The following SLC38A4 variants were observed in gnomAD, a reference collection of about 807,000 sequenced individuals.
SLC38A4 encodes the protein sodium-coupled neutral amino acid transporter 4.
In SLC38A4, 20 loss-of-function variants were observed where a neutral mutation model predicts 63.1. The ratio of observed to expected loss-of-function variants is 0.32; its 90% CI spans 0.22 to 0.46. The LOEUF is 0.46. Among genes scored for constraint, SLC38A4 ranks in the 20% least tolerant of loss-of-function variants. The probability of loss-of-function intolerance (pLI) is 1.00; values close to 1 mark genes in which losing one functional copy is unlikely to be tolerated. For missense variants in SLC38A4, 526 were observed against 663.6 expected, an observed-to-expected ratio of 0.79 and a Z score of 2.28; for synonymous variants, 230 against 225.5, an observed-to-expected ratio of 1.02 and a Z score of -0.18.
chr12:46,821,338 A>G (rs1939544521), intron 1 of SLC38A4, among the ~76,000 whole-genome samples: 1 of 152,120 alleles, frequency 6.6e-6, no homozygotes, highest in Non-Finnish European at 1.5e-5. Context: ...TTTGTTGTTT[A>G]TGATGTAAGA....
intron 2 of SLC38A4, among the ~76,000 whole-genome samples, chr12:46,796,756 G>A (rs1326860916): frequency 3.7e-5 from 1 of 26,802 alleles, no homozygotes; most frequent in African/African-American, 5.0e-5. Context: ...ATCCTCCCTT[G>A]AGGTTTCTTT....
chr12:46,804,480 A>G (rs2120869811), intron 1 of SLC38A4, among the ~76,000 whole-genome samples: 1 of 152,174 alleles, frequency 6.6e-6, no homozygotes, highest in Non-Finnish European at 1.5e-5. Context: ...TCACAAACGA[A>G]TCAAGAATTG....
At chr12:46,792,869 C>T in intron 3 of SLC38A4, 84 bp downstream of exon 3, 2 of 932,990 alleles carry the variant, frequency 2.1e-6, no homozygotes, top group Admixed American at 1.8e-5. Context: ...GTAATAAATC[C>T]AGTTCTTCCC....
rs375605342 is a variant in SLC38A4 at position 46,776,932 on chromosome 12, G to A, written c.1146C>T (p.Ala382=). The A allele has an allele frequency of 9.4e-5, 151 of 1,611,964 alleles. No individual in the cohort carries two copies. The highest frequency in any genetic ancestry group is 2.7e-4 in the East Asian group (12 of 44,816). The change falls in exon 13 of 17, where the codon GCC becomes GCT. Residue 382 remains alanine, a synonymous_variant. Coordinates refer to ENST00000266579, the MANE Select transcript of SLC38A4 (RefSeq NM_018018.5). The stretch of plus-strand genomic sequence containing the variant: ...AGAAGGTTAGGTAACCAAAGAGGGC[G>A]GCAAGCAGGTACATGACAAGCATCC... ...ITGMLVMYLL[A]ALFGYLTFYG...
rs1938269715 is a variant in SLC38A4, at chr12:46,765,104, T to C, written c.*1597A>G. On this transcript the variant is annotated 3_prime_UTR_variant, in exon 17 of 17. Transcript: ENST00000266579. ...TCCTAAAGATGCTATTTGGCAGATT[T>C]TTTTCAAATAATAGTAGCTCAAAAG... 6.6e-6 allele frequency: 1 copy of C among 152,646 alleles called. No individual in the cohort carries two copies. Among genetic ancestry groups the C allele is most frequent in the Admixed American group, 6.6e-5 (1 of 15,264 alleles). The allele number at this position is 152,646 out of a possible 1,614,324, so 9.5% of individuals were successfully genotyped here. A position where few individuals can be genotyped will look rare whatever the true frequency, so the allele number is the denominator to read the frequency against.
chr12:46,766,387 G>A lies in SLC38A4; in HGVS notation c.*314C>T, dbSNP rs1323680315. ...GACGGCAGGGGAAAGAGTACTATCT[G>A]ATGATTGTTACATGCAGTTACCCTT... On this transcript the variant is annotated 3_prime_UTR_variant, in exon 17 of 17. Transcript: ENST00000266579. The A allele has an allele frequency of 2.1e-6, 1 of 487,204 alleles. No homozygotes were observed. The highest frequency in any genetic ancestry group is 4.0e-6 in the Non-Finnish European group (1 of 247,914). The allele number at this position is 487,204 out of a possible 1,614,324, so 30.2% of individuals were successfully genotyped here. A position where few individuals can be genotyped will look rare whatever the true frequency, so the allele number is the denominator to read the frequency against.
At chr12:46,815,272 TATATATATATATACAC>T (rs1277944779) in intron 1 of SLC38A4, among the ~76,000 whole-genome samples, 164 of 65,042 alleles carry the variant, frequency 2.5e-3, no homozygotes, top group Admixed American at 4.4e-3. Flanking sequence ...TATATATATA[TATATATATATATACAC>T]ACACACACAC....
At chr12:46,796,088 T>C (rs1198271012) in intron 2 of SLC38A4, among the ~76,000 whole-genome samples, 1 of 152,190 alleles carries the variant, frequency 6.6e-6, no homozygotes, top group East Asian at 1.9e-4. Context: ...TTATGTTCGA[T>C]CTGTTCATCT....
chr12:46,815,283 A>T (rs1939420264), intron 1 of SLC38A4, among the ~76,000 whole-genome samples: 1 of 114,592 alleles, frequency 8.7e-6, no homozygotes, highest in Non-Finnish European at 1.7e-5. Flanking sequence ...ATATATATAT[A>T]TACACACACA....
chr12:46,767,312 A>C (rs1188504952), intron 16 of SLC38A4, among the ~76,000 whole-genome samples: 1 of 152,070 alleles, frequency 6.6e-6, no homozygotes, highest in Non-Finnish European at 1.5e-5. Context: ...CCTACATATA[A>C]AATACTTCAG....
At chr12:46,773,804 A>G (rs1202268163) in intron 14 of SLC38A4, among the ~76,000 whole-genome samples, 1 of 152,076 alleles carries the variant, frequency 6.6e-6, no homozygotes. Context: ...CACTATATGA[A>G]TATGAATAAA....
chr12:46,799,206 C>A (rs1442556899), intron 2 of SLC38A4, among the ~76,000 whole-genome samples: 2 of 152,096 alleles, frequency 1.3e-5, no homozygotes, highest in East Asian at 3.9e-4. Flanking sequence ...CAAAAGAGGG[C>A]TTTACAGTTC....
At chr12:46,828,998 A>G (rs1217649129), upstream of SLC38A4, among the ~76,000 whole-genome samples, 1 of 151,966 alleles carries the variant, frequency 6.6e-6, no homozygotes, top group Non-Finnish European at 1.5e-5. Context: ...GGTTGTCTTT[A>G]TTTTACTGCT....
chr12:46,816,437 T>C (rs949286462), intron 1 of SLC38A4, among the ~76,000 whole-genome samples: 1 of 151,914 alleles, frequency 6.6e-6, no homozygotes, highest in Non-Finnish European at 1.5e-5. Context: ...TTTCTGTATG[T>C]CTGAAGTATA....
intron 1 of SLC38A4, among the ~76,000 whole-genome samples, chr12:46,814,334 C>T (rs1327041062): frequency 6.6e-6 from 1 of 151,892 alleles, no homozygotes; most frequent in East Asian, 1.9e-4. Flanking sequence ...CATAACAAGG[C>T]ACAGTTTGCA....
At chr12:46,785,013 C>T in intron 6 of SLC38A4, 91 bp downstream of exon 6, 1 of 1,061,408 alleles carries the variant, frequency 9.4e-7, no homozygotes, top group East Asian at 2.4e-5. Flanking sequence ...GTGAAACTGA[C>T]TATAATCATC....
intron 1 of SLC38A4, among the ~76,000 whole-genome samples, chr12:46,808,944 G>T (rs1363574514): frequency 6.6e-6 from 1 of 151,964 alleles, no homozygotes; most frequent in Non-Finnish European, 1.5e-5. Context: ...GCTGGGCTGG[G>T]TTGACTCTCT....
At chr12:46,824,689 T>A (rs1939611798) in intron 1 of SLC38A4, among the ~76,000 whole-genome samples, 1 of 152,228 alleles carries the variant, frequency 6.6e-6, no homozygotes, top group Non-Finnish European at 1.5e-5. Context: ...TGATTCCATT[T>A]ATATAATAGT....
chr12:46,803,104 T>G (rs1338331163), intron 2 of SLC38A4, among the ~76,000 whole-genome samples: 2 of 152,084 alleles, frequency 1.3e-5, no homozygotes, highest in East Asian at 3.9e-4. Flanking sequence ...GCCCAAACTC[T>G]TAGCCATTCA....
Sources: gnomAD v4.1 joint callset for allele counts (sites outside exome capture counted in the v4.1 genomes callset) on GRCh38, gnomAD v4.1.1 for gene constraint, MANE v1.5 for transcripts, NCBI Gene and HGNC (gene_info 2026-07-23, HGNC 2026-07-21) for gene names.